CENPP: variants seen among roughly 807,000 people sequenced by gnomAD.
CENPP encodes centromere protein P.
CENPP carries 24 observed loss-of-function variants against 35.6 expected under a neutral mutation model. That is an observed-to-expected ratio of 0.67 (90% confidence interval 0.49 to 0.95). CENPP has a LOEUF of 0.95. CENPP is among the 40% of genes least tolerant of loss of function. The pLI, the probability that CENPP is intolerant of heterozygous loss-of-function variation, is 0.00. For missense variants in CENPP, 332 were observed against 345.3 expected (o/e 0.96, Z 0.31); for synonymous variants, 120 against 125.5 (o/e 0.96, Z 0.29).
chr9:92,345,276 C>T (rs1379198879), intron 3 of CENPP, among the ~76,000 whole-genome samples: 1 of 149,912 alleles, frequency 6.7e-6, no homozygotes, highest in East Asian at 2.0e-4. Context: ...ACAAAACAAA[C>T]GAGATTGAGA....
At chr9:92,446,902 G>GA (rs1844566499) in intron 5 of CENPP, among the ~76,000 whole-genome samples, 1 of 151,406 alleles carries the variant, frequency 6.6e-6, no homozygotes, top group Admixed American at 6.6e-5. Context: ...GAAAAGGAGG[G>GA]AAAAAGGGAG....
intron 5 of CENPP, chr9:92,385,700 C>T (rs1842390309): frequency 6.2e-7 from 1 of 1,614,104 alleles, no homozygotes; most frequent in South Asian, 1.1e-5. Flanking sequence ...GGATTGCCCT[C>T]CAGGCGTATC....
intron 1 of CENPP, among the ~76,000 whole-genome samples, chr9:92,327,145 T>A (rs929386529): frequency 6.6e-5 from 10 of 152,210 alleles, no homozygotes; most frequent in African/African-American, 1.9e-4. Context: ...ATCTGCATTT[T>A]AAAAAAATAC....
chr9:92,345,223 A>C (rs1841255435), intron 3 of CENPP, among the ~76,000 whole-genome samples: 1 of 152,070 alleles, frequency 6.6e-6, no homozygotes, highest in African/African-American at 2.4e-5. Flanking sequence ...ACCACACTCC[A>C]GCCTGGGCGA....
intron 4 of CENPP, among the ~76,000 whole-genome samples, chr9:92,354,425 T>C (rs1008197704): frequency 3.3e-5 from 5 of 152,194 alleles, no homozygotes; most frequent in Admixed American, 3.3e-4. Context: ...CCTGCCACCA[T>C]GGCCACTTTA....
chr9:92,540,448 A>G (rs1276050005), intron 5 of CENPP, among the ~76,000 whole-genome samples: 1 of 151,280 alleles, frequency 6.6e-6, no homozygotes, highest in Non-Finnish European at 1.5e-5. Flanking sequence ...AAAAAAAAAA[A>G]AAATGAGATC....
intron 5 of CENPP, among the ~76,000 whole-genome samples, chr9:92,531,084 T>G (rs1848719757): frequency 6.6e-6 from 1 of 152,120 alleles, no homozygotes; most frequent in Non-Finnish European, 1.5e-5. Context: ...GTTTAACAAT[T>G]TTTGTCTTTT....
intron 4 of CENPP, among the ~76,000 whole-genome samples, chr9:92,362,466 TC>T (rs1841780860): frequency 6.6e-6 from 1 of 152,256 alleles, no homozygotes; most frequent in South Asian, 2.1e-4. Context: ...TCTATTGTGA[TC>T]AGTTGATGCT....
chr9:92,465,302 C>T (rs1845264314), intron 5 of CENPP, among the ~76,000 whole-genome samples: 1 of 152,200 alleles, frequency 6.6e-6, no homozygotes, highest in African/African-American at 2.4e-5. Flanking sequence ...TCACTCTCCT[C>T]CAACCATGAG....
At chr9:92,540,435 CA>C (rs35325216) in intron 5 of CENPP, among the ~76,000 whole-genome samples, 10,362 of 117,530 alleles carry the variant, frequency 0.088, 376 homozygotes, top group South Asian at 0.13. Context: ...GAGACTGTCT[CA>C]AAAAAAAAAA....
chr9:92,517,414 A>G (rs1847796601), intron 5 of CENPP: 2 of 579,418 alleles, frequency 3.5e-6, no homozygotes, highest in Non-Finnish European at 6.1e-6. Flanking sequence ...TTCTGTTACC[A>G]TATCTCTAAA....
chr9:92,505,729 A>G (rs765230965), intron 5 of CENPP: 2 of 1,482,932 alleles, frequency 1.3e-6, no homozygotes, highest in South Asian at 2.6e-5. Context: ...AGGATAATTG[A>G]AAAACCATGC....
At chr9:92,352,505 G>GTGTGTGTGTGTATAAATATATATATATA in intron 4 of CENPP, among the ~76,000 whole-genome samples, 1 of 49,764 alleles carries the variant, frequency 2.0e-5, no homozygotes, top group Non-Finnish European at 3.3e-5. Context: ...GTGTGTGTGT[G>GTGTGTGTGTGTATAAATATATATATATA]TATACATATA....
intron 5 of CENPP, among the ~76,000 whole-genome samples, chr9:92,388,777 A>G (rs1842545075): frequency 1.3e-5 from 2 of 151,094 alleles, no homozygotes; most frequent in South Asian, 4.2e-4. Flanking sequence ...GGTTGCAGTA[A>G]GCCAAGATCA....
rs534882166 is a variant in CENPP, at chr9:92,516,434, A to G, written c.565-94880A>G. 9.9e-5 allele frequency among the ~76,000 whole-genome samples: 15 copies of G among 151,380 alleles called. No individual in the cohort carries two copies. The South Asian group carries it at 1.4e-3, about 15-fold the overall frequency. On this transcript the variant is annotated intron_variant, in intron 5 of 7. Transcript: ENST00000375587. The stretch of plus-strand genomic sequence containing the variant: ...CATCTGCCTACTTTTATTTAACACT[A>G]TATATAAACTACTCCCAAAAAGAAC...
In CENPP at chr9:92,555,297, A is replaced by G. The variant is rs957229953; in HGVS notation, c.565-56017A>G. ...AGCTGGAGTACAATGGCGTGATCTC[A>G]GCTCACCACACCTCTGCCTCCCAGG... On this transcript the variant is annotated intron_variant, in intron 5 of 7. Coordinates refer to ENST00000375587, the MANE Select transcript of CENPP (RefSeq NM_001012267.3). Among the ~76,000 whole-genome samples, 3 of 129,598 alleles carry G rather than the reference A, an allele frequency of 2.3e-5. No homozygotes were observed. The East Asian group carries it at 6.9e-4, about 30-fold the overall frequency. 85.0% of individuals were successfully genotyped at this position (129,598 alleles called of 152,430 possible).
intron 5 of CENPP, chr9:92,415,467 A>G (rs772362041): frequency 1.3e-6 from 2 of 1,580,202 alleles, no homozygotes; most frequent in Non-Finnish European, 1.7e-6. Context: ...ACATCACTGT[A>G]AGATTCATCT....
At chr9:92,490,229 A>G (rs1846145311) in intron 5 of CENPP, among the ~76,000 whole-genome samples, 1 of 152,218 alleles carries the variant, frequency 6.6e-6, no homozygotes, top group South Asian at 2.1e-4. Context: ...TAGAACTCTA[A>G]GTAACTTGGC....
rs377714762 is a variant in CENPP at position 92,614,194 on chromosome 9, G to C, written c.*1045G>C. On this transcript the variant is annotated 3_prime_UTR_variant, in exon 8 of 8. Transcript: ENST00000375587. Reference sequence around the variant, plus strand: ...CCCAGCCCACCTTCCCACGGACTGGGGTTCCCTCACATGTGCACTTGAACC... The same window carrying C: ...CCCAGCCCACCTTCCCACGGACTGGCGTTCCCTCACATGTGCACTTGAACC... 1 of 152,478 alleles carries C rather than the reference G, an allele frequency of 6.6e-6. No homozygotes were observed. Among genetic ancestry groups the C allele is most frequent in the Non-Finnish European group, 1.5e-5 (1 of 68,252 alleles). 9.4% of individuals were successfully genotyped at this position (152,478 alleles called of 1,614,324 possible).
Sources: gnomAD v4.1 joint callset for allele counts (sites outside exome capture counted in the v4.1 genomes callset) on GRCh38, gnomAD v4.1.1 for gene constraint, MANE v1.5 for transcripts, NCBI Gene and HGNC (gene_info 2026-07-23, HGNC 2026-07-21) for gene names.